The following STEAP3 variants were observed in gnomAD, a reference collection of about 807,000 sequenced individuals.
STEAP3 encodes metalloreductase STEAP3.
In STEAP3, 35 loss-of-function variants were observed where a neutral mutation model predicts 34.9. That is an observed-to-expected ratio of 1.00 (90% CI 0.76 to 1.33). The LOEUF (loss-of-function observed/expected upper bound fraction) is 1.33. Among genes scored for constraint, STEAP3 ranks in the 40% most tolerant of loss-of-function variants. The pLI is 0.00. For synonymous variants in STEAP3, 281 were observed against 301.6 expected, an observed-to-expected ratio of 0.93 and a Z score of 0.71; for missense variants, 652 against 667.6, an observed-to-expected ratio of 0.98 and a Z score of 0.26.
Position 119,263,271 on chromosome 2 carries a change from G to C in STEAP3, c.1430G>C (p.Arg477Thr). 1 of 1,614,078 alleles carries C rather than the reference G, an allele frequency of 6.2e-7. No homozygotes were observed. Among genetic ancestry groups the C allele is most frequent in the Non-Finnish European group, 8.5e-7 (1 of 1,180,028 alleles). ...RLARIRRGWE[R>T]ESTIKFTLPT... ...GCCAGGATCCGGAGAGGCTGGGAGA[G>C]GGAGAGCACCATCAAGTTCACGCTG... Residue 477 changes from arginine (R) to threonine (T), a missense_variant, in exon 6 of 6, where the codon AGG (arginine) becomes ACG (threonine). By Grantham distance (71) the Arg-to-Thr change is moderately conservative (BLOSUM62 -1). Coordinates refer to ENST00000393110, the MANE Select transcript of STEAP3 (RefSeq NM_182915.3).
At chr2:119,237,702 A>G (rs1044814765) in intron 2 of STEAP3, among the ~76,000 whole-genome samples, 1 of 152,246 alleles carries the variant, frequency 6.6e-6, no homozygotes, top group African/African-American at 2.4e-5. Context: ...GCAGTCTGCC[A>G]TACCTCAATT....
intron 2 of STEAP3, 100 bp downstream of exon 2, chr2:119,231,134 C>T: frequency 2.0e-6 from 3 of 1,500,962 alleles, no homozygotes; most frequent in Non-Finnish European, 1.8e-6. Flanking sequence ...CTGGAGGGTG[C>T]CCCTTGAATC....
At chr2:119,227,167 A>C (rs928315264) in intron 1 of STEAP3, among the ~76,000 whole-genome samples, 8 of 151,890 alleles carry the variant, frequency 5.3e-5, no homozygotes, top group Admixed American at 5.2e-4. Flanking sequence ...GGTGGCAGTA[A>C]GGCTCAGGAC....
chr2:119,247,301 T>A (rs940180088), intron 3 of STEAP3, among the ~76,000 whole-genome samples: 1 of 152,212 alleles, frequency 6.6e-6, no homozygotes, highest in Non-Finnish European at 1.5e-5. Context: ...AAAACTCTTT[T>A]GCTGAGCGGC....
intron 4 of STEAP3, 95 bp downstream of exon 4, chr2:119,248,301 G>T: frequency 7.1e-7 from 1 of 1,405,958 alleles, no homozygotes; most frequent in Non-Finnish European, 9.5e-7. Flanking sequence ...GATACCCACG[G>T]GTGCAGCCTT....
At chr2:119,240,912 TAC>T (rs752035982) in intron 2 of STEAP3, among the ~76,000 whole-genome samples, 34 of 152,164 alleles carry the variant, frequency 2.2e-4, no homozygotes, top group Non-Finnish European at 4.7e-4. Flanking sequence ...CCAAGACATG[TAC>T]CACCTGTCCT....
intron 2 of STEAP3, among the ~76,000 whole-genome samples, chr2:119,243,256 C>A (rs1206278550): frequency 6.6e-6 from 1 of 152,238 alleles, no homozygotes; most frequent in African/African-American, 2.4e-5. Flanking sequence ...GAACACATGT[C>A]CCCTGACTCT....
intron 2 of STEAP3, 103 bp downstream of exon 2, chr2:119,231,137 C>A: frequency 6.6e-7 from 1 of 1,505,004 alleles, no homozygotes; most frequent in East Asian, 2.3e-5. Context: ...GAGGGTGCCC[C>A]TTGAATCTCC....
intron 2 of STEAP3, among the ~76,000 whole-genome samples, chr2:119,234,500 G>A (rs182335935): frequency 2.6e-5 from 4 of 152,326 alleles, no homozygotes; most frequent in Admixed American, 6.5e-5. Context: ...CATAGCGCCC[G>A]GTCATCCCCT....
At position 119,247,873 on chromosome 2, in the gene STEAP3, C is replaced by A; in HGVS notation, c.717C>A (p.Tyr239Ter). 1 of 1,613,890 alleles carries A rather than the reference C, an allele frequency of 6.2e-7. No individual in the cohort carries two copies. Among genetic ancestry groups the A allele is most frequent in the Non-Finnish European group, 8.5e-7 (1 of 1,180,008 alleles). Residue 239 changes from tyrosine (Y) to a stop codon, truncating the protein, a stop_gained, in exon 4 of 6, where the codon TAC becomes TAA. Transcript: ENST00000393110. LOFTEE classifies it high-confidence loss of function. The stretch of plus-strand genomic sequence containing the variant: ...GGCTCTTCGTCTGCTTCTATGCCTA[C>A]AACTTCGTCCGGGACGTTCTGCAGC... The part of the protein sequence containing the change: ...ALGLFVCFYA[Y>*]NFVRDVLQPY...
At chr2:119,255,679 G>C (rs1677754432) in intron 5 of STEAP3, among the ~76,000 whole-genome samples, 1 of 151,590 alleles carries the variant, frequency 6.6e-6, no homozygotes, top group Non-Finnish European at 1.5e-5. Flanking sequence ...ACTTGAGCTT[G>C]AGCGATTCTT....
chr2:119,225,048 C>T (rs838110), intron 1 of STEAP3, among the ~76,000 whole-genome samples: 70,024 of 151,884 alleles, frequency 0.46, 16,251 homozygotes, highest in Non-Finnish European at 0.5. Context: ...TTCTGGCAGC[C>T]CCAAGAATAC....
intron 1 of STEAP3, among the ~76,000 whole-genome samples, chr2:119,225,587 C>T (rs1487676447): frequency 6.6e-6 from 1 of 152,224 alleles, no homozygotes; most frequent in Non-Finnish European, 1.5e-5. Flanking sequence ...TATCCTTGGC[C>T]CACAGCCCTT....
intron 5 of STEAP3, 129 bp downstream of exon 5, chr2:119,254,977 C>A: frequency 2.5e-6 from 3 of 1,197,260 alleles, no homozygotes; most frequent in Non-Finnish European, 1.2e-6. Flanking sequence ...CGGTGAGATG[C>A]CAGGCCTTCC....
chr2:119,249,193 A>T (rs1482500698), intron 4 of STEAP3: 6 of 152,348 alleles, frequency 3.9e-5, no homozygotes, highest in African/African-American at 1.4e-4. Flanking sequence ...GGGTGGCACT[A>T]ATCATTCATT....
At chr2:119,236,070 T>G (rs546705778) in intron 2 of STEAP3, among the ~76,000 whole-genome samples, 1 of 152,240 alleles carries the variant, frequency 6.6e-6, no homozygotes, top group Admixed American at 6.5e-5. Context: ...GAAATGGGCA[T>G]GTACCTCCAG....
At chr2:119,260,789 A>G (rs1677919971) in intron 5 of STEAP3, among the ~76,000 whole-genome samples, 1 of 152,202 alleles carries the variant, frequency 6.6e-6, no homozygotes, top group Admixed American at 6.5e-5. Flanking sequence ...TTGGGAGGTG[A>G]CCACATTAAA....
At chr2:119,238,657 G>A (rs1677156285) in intron 2 of STEAP3, among the ~76,000 whole-genome samples, 1 of 152,186 alleles carries the variant, frequency 6.6e-6, no homozygotes, top group Non-Finnish European at 1.5e-5. Flanking sequence ...GGCTTTAAGA[G>A]GTGAGCAGGC....
chr2:119,235,508 A>G (rs1004415932), intron 2 of STEAP3, among the ~76,000 whole-genome samples: 3 of 152,204 alleles, frequency 2.0e-5, no homozygotes, highest in African/African-American at 7.2e-5. Context: ...CAGCTACTGC[A>G]GTGGTTTTCA....
Sources: gnomAD v4.1 joint callset for allele counts (sites outside exome capture counted in the v4.1 genomes callset) on GRCh38, gnomAD v4.1.1 for gene constraint, MANE v1.5 for transcripts, NCBI Gene and HGNC (gene_info 2026-07-23, HGNC 2026-07-21) for gene names.